The following GAREM1 variants were observed in gnomAD, a reference collection of about 807,000 sequenced individuals.
GAREM1 encodes GRB2-associated and regulator of MAPK protein 1.
In GAREM1, 26 loss-of-function variants were observed where a neutral mutation model predicts 71.3. The ratio of observed to expected loss-of-function variants is 0.36; its 90% CI spans 0.27 to 0.51. The LOEUF (loss-of-function observed/expected upper bound fraction) is 0.51, where lower values mean the gene tolerates loss of function less well. GAREM1 is among the 20% of genes least tolerant of loss of function. The pLI is 0.95. For synonymous variants in GAREM1, 440 were observed against 433.2 expected (o/e 1.02, Z -0.20); for missense variants, 1,026 against 1,103.1 (o/e 0.93, Z 0.99).
intron 2 of GAREM1, among the ~76,000 whole-genome samples, chr18:32,360,988 C>T (rs1421539006): frequency 6.6e-6 from 1 of 152,128 alleles, no homozygotes; most frequent in Non-Finnish European, 1.5e-5. Flanking sequence ...AAATATTCTC[C>T]TACTTAATAC....
intron 2 of GAREM1, among the ~76,000 whole-genome samples, chr18:32,359,354 T>C (rs1363290881): frequency 6.6e-6 from 1 of 152,156 alleles, no homozygotes; most frequent in African/African-American, 2.4e-5. Context: ...TTCCATTATG[T>C]AGGAAGCTTA....
At chr18:32,445,649 C>T (rs1324128149) in intron 1 of GAREM1, among the ~76,000 whole-genome samples, 1 of 152,134 alleles carries the variant, frequency 6.6e-6, no homozygotes, top group Non-Finnish European at 1.5e-5. Flanking sequence ...AAGCTAAAGA[C>T]TCCCAGTTTA....
intron 1 of GAREM1, among the ~76,000 whole-genome samples, chr18:32,419,418 G>A (rs2048499482): frequency 6.6e-6 from 1 of 152,114 alleles, no homozygotes; most frequent in Admixed American, 6.6e-5. Flanking sequence ...GAGCCCTCAT[G>A]GGTAAGATTA....
chr18:32,358,018 C>G (rs933949959), intron 2 of GAREM1, among the ~76,000 whole-genome samples: 1 of 152,086 alleles, frequency 6.6e-6, no homozygotes, highest in Non-Finnish European at 1.5e-5. Context: ...ACTTTACTAA[C>G]CAAACAAGAA....
intron 2 of GAREM1, among the ~76,000 whole-genome samples, chr18:32,355,929 T>C (rs957281412): frequency 1.3e-5 from 2 of 152,140 alleles, no homozygotes; most frequent in African/African-American, 4.8e-5. Context: ...TATCTACAAG[T>C]GTTCTTGGTT....
At chr18:32,370,801 T>C (rs1011956773) in intron 2 of GAREM1, among the ~76,000 whole-genome samples, 1 of 152,166 alleles carries the variant, frequency 6.6e-6, no homozygotes, top group Non-Finnish European at 1.5e-5. Flanking sequence ...TAGATGCTAA[T>C]ACTAACGTTA....
chr18:32,308,398 T>G (rs1464541567), intron 3 of GAREM1, among the ~76,000 whole-genome samples: 2 of 150,340 alleles, frequency 1.3e-5, no homozygotes, highest in Non-Finnish European at 3.0e-5. Flanking sequence ...TGGCAAAAGA[T>G]GGAATGTTAC....
At chr18:32,313,869 T>C (rs899829856) in intron 2 of GAREM1, among the ~76,000 whole-genome samples, 3 of 152,056 alleles carry the variant, frequency 2.0e-5, no homozygotes, top group Non-Finnish European at 4.4e-5. Flanking sequence ...AAGATAAAAG[T>C]AATTTCAAAG....
At chr18:32,320,857 A>T (rs776111920) in intron 2 of GAREM1, among the ~76,000 whole-genome samples, 5 of 152,360 alleles carry the variant, frequency 3.3e-5, no homozygotes, top group Admixed American at 1.3e-4. Flanking sequence ...CAGAATTACC[A>T]GAAGTTTTCT....
chr18:32,378,065 G>GC lies in GAREM1; in HGVS notation c.262+14829_262+14830insG, dbSNP rs1567986715. On this transcript the variant is annotated intron_variant, in intron 2 of 5. Coordinates refer to ENST00000269209, the MANE Select transcript of GAREM1 (RefSeq NM_001242409.2). ...GTGTGTGTGTGTGTGTGTGCGCGCG[G>GC]GCGCTTTGGAGGAGGGCAGGGTTGA... 3.6e-3 allele frequency among the ~76,000 whole-genome samples: 464 copies of GC among 128,782 alleles called. 4 individuals are homozygous for GC. Among genetic ancestry groups the GC allele is most frequent in the East Asian group, 0.025 (111 of 4,484 alleles). 84.5% of individuals were successfully genotyped at this position (128,782 alleles called of 152,430 possible). A position where few individuals can be genotyped will look rare whatever the true frequency, so the allele number is the denominator to read the frequency against.
intron 2 of GAREM1, among the ~76,000 whole-genome samples, chr18:32,367,280 G>C (rs540151563): frequency 6.6e-6 from 1 of 152,282 alleles, no homozygotes; most frequent in South Asian, 2.1e-4. Context: ...ACTGATTTCT[G>C]ACTGGTTGAA....
intron 1 of GAREM1, among the ~76,000 whole-genome samples, chr18:32,424,023 C>A (rs1277599462): frequency 6.6e-6 from 1 of 151,954 alleles, no homozygotes; most frequent in Admixed American, 6.6e-5. Flanking sequence ...GTAGTCCCAG[C>A]TCCTCAAGAG....
chr18:32,413,230 C>T (rs2048437681), intron 1 of GAREM1: 3 of 1,598,610 alleles, frequency 1.9e-6, no homozygotes, highest in Non-Finnish European at 2.6e-6. Flanking sequence ...CGTCCACGGG[C>T]AGAAAGGCCA....
intron 1 of GAREM1, among the ~76,000 whole-genome samples, chr18:32,407,040 C>T (rs2048372422): frequency 6.6e-6 from 1 of 152,190 alleles, no homozygotes; most frequent in Non-Finnish European, 1.5e-5. Context: ...TATTACTATG[C>T]TAAAAGTCAC....
intron 1 of GAREM1, among the ~76,000 whole-genome samples, chr18:32,402,975 T>C (rs1018092267): frequency 6.6e-6 from 1 of 152,192 alleles, no homozygotes; most frequent in Non-Finnish European, 1.5e-5. Flanking sequence ...TGAAGTACAG[T>C]GGTGTGATCT....
intron 4 of GAREM1, among the ~76,000 whole-genome samples, chr18:32,281,914 C>G (rs1305718099): frequency 6.6e-6 from 1 of 152,164 alleles, no homozygotes; most frequent in Admixed American, 6.5e-5. Flanking sequence ...CATTCCACCA[C>G]AAAAGAAGTG....
At chr18:32,422,101 T>G (rs552275826) in intron 1 of GAREM1, among the ~76,000 whole-genome samples, 2 of 152,106 alleles carry the variant, frequency 1.3e-5, no homozygotes, top group African/African-American at 4.8e-5. Flanking sequence ...AACTCTTCAT[T>G]TAACATTAGG....
At chr18:32,320,225 T>A (rs550352187) in intron 2 of GAREM1, among the ~76,000 whole-genome samples, 2 of 152,350 alleles carry the variant, frequency 1.3e-5, no homozygotes, top group African/African-American at 4.8e-5. Context: ...ATTGTAATTG[T>A]GTTCTTCTTA....
At chr18:32,282,033 C>T (rs547202312) in intron 4 of GAREM1, among the ~76,000 whole-genome samples, 13 of 152,220 alleles carry the variant, frequency 8.5e-5, no homozygotes, top group Admixed American at 5.2e-4. Flanking sequence ...GACCCCCACT[C>T]CTGCCCGCCA....
Sources: gnomAD v4.1 joint callset for allele counts (sites outside exome capture counted in the v4.1 genomes callset) on GRCh38, gnomAD v4.1.1 for gene constraint, MANE v1.5 for transcripts, NCBI Gene and HGNC (gene_info 2026-07-23, HGNC 2026-07-21) for gene names.